The following CNBD1 variants were observed in gnomAD, a reference collection of about 807,000 sequenced individuals.
The protein encoded by CNBD1 is cyclic nucleotide-binding domain-containing protein 1.
In CNBD1, 71 loss-of-function variants were observed where a neutral mutation model predicts 54.4. That is an observed-to-expected ratio of 1.30 (90% CI 1.08 to 1.59). The LOEUF (loss-of-function observed/expected upper bound fraction) is 1.59. CNBD1 is among the 40% of genes most tolerant of loss of function. The probability of loss-of-function intolerance (pLI) is 0.00; values close to 1 mark genes in which losing one functional copy is unlikely to be tolerated. For synonymous variants in CNBD1, 182 were observed against 170.7 expected, an observed-to-expected ratio of 1.07 and a Z score of -0.51; for missense variants, 659 against 518.0, an observed-to-expected ratio of 1.27 and a Z score of -2.64.
At chr8:87,113,406 G>A (rs1184389762) in intron 4 of CNBD1, among the ~76,000 whole-genome samples, 1 of 152,188 alleles carries the variant, frequency 6.6e-6, no homozygotes, top group Non-Finnish European at 1.5e-5. Flanking sequence ...TTCCTCTACA[G>A]TAAAACAGGA....
intron 2 of CNBD1, among the ~76,000 whole-genome samples, chr8:87,404,235 C>G (rs374420928): frequency 2.0e-5 from 3 of 152,108 alleles, no homozygotes; most frequent in East Asian, 3.9e-4. Flanking sequence ...AAAGTTGGAA[C>G]AGCTTGTTTA....
chr8:87,305,214 C>G (rs1298567576), intron 8 of CNBD1, among the ~76,000 whole-genome samples: 1 of 152,000 alleles, frequency 6.6e-6, no homozygotes, highest in Non-Finnish European at 1.5e-5. Flanking sequence ...GTTGAAAGAC[C>G]TCTACAAGGA....
intron 4 of CNBD1, among the ~76,000 whole-genome samples, chr8:87,138,632 G>C (rs984525364): frequency 6.6e-6 from 1 of 152,136 alleles, no homozygotes; most frequent in Non-Finnish European, 1.5e-5. Flanking sequence ...AAGGTGGCAC[G>C]TCTTTCAGGA....
At chr8:87,235,884 A>G (rs1807575080) in intron 5 of CNBD1, among the ~76,000 whole-genome samples, 2 of 152,132 alleles carry the variant, frequency 1.3e-5, no homozygotes, top group Admixed American at 1.3e-4. Flanking sequence ...TGTGTTGCCT[A>G]GAAGGAGGTC....
chr8:86,988,707 T>G (rs1331902708), intron 4 of CNBD1, among the ~76,000 whole-genome samples: 1 of 152,158 alleles, frequency 6.6e-6, no homozygotes, highest in Non-Finnish European at 1.5e-5. Flanking sequence ...TTCATTATTC[T>G]CTTCTCTACC....
chr8:87,402,667 G>A (rs1303089044), intron 2 of CNBD1, among the ~76,000 whole-genome samples: 1 of 152,018 alleles, frequency 6.6e-6, no homozygotes, highest in Non-Finnish European at 1.5e-5. Context: ...AAGCTGGCCA[G>A]GGCCAAATCT....
intron 4 of CNBD1, among the ~76,000 whole-genome samples, chr8:86,974,862 G>A (rs1260670952): frequency 6.6e-6 from 1 of 151,770 alleles, no homozygotes; most frequent in Non-Finnish European, 1.5e-5. Flanking sequence ...TGTGCATTAT[G>A]TTTCATCCAT....
chr8:87,401,698 A>G (rs3923930), intron 2 of CNBD1, among the ~76,000 whole-genome samples: 1 of 152,032 alleles, frequency 6.6e-6, no homozygotes, highest in African/African-American at 2.4e-5. Context: ...GCAAATCTCA[A>G]TTAGTTTTAT....
chr8:87,173,231 TTGTAA>T (rs1813126173), intron 4 of CNBD1, among the ~76,000 whole-genome samples: 6 of 152,216 alleles, frequency 3.9e-5, no homozygotes, highest in Admixed American at 3.3e-4. Context: ...TTATATCTCA[TTGTAA>T]TGTCTATGTC....
chr8:87,343,780 C>T (rs1586031833), intron 8 of CNBD1, among the ~76,000 whole-genome samples: 1 of 152,018 alleles, frequency 6.6e-6, no homozygotes, highest in Admixed American at 6.6e-5. Context: ...ATAATTTAAT[C>T]ATTTACCTTT....
chr8:87,420,628 C>A (rs1341767393), intron 2 of CNBD1, among the ~76,000 whole-genome samples: 3 of 152,080 alleles, frequency 2.0e-5, no homozygotes, highest in African/African-American at 7.2e-5. Flanking sequence ...AATCTACCTA[C>A]TTAACGACCA....
intron 8 of CNBD1, among the ~76,000 whole-genome samples, chr8:87,314,101 C>A (rs900593846): frequency 6.6e-6 from 1 of 151,606 alleles, no homozygotes; most frequent in Non-Finnish European, 1.5e-5. Flanking sequence ...GTAGATGATG[C>A]CAATGCTTTT....
At chr8:86,997,236 T>G (rs939089052) in intron 4 of CNBD1, among the ~76,000 whole-genome samples, 1 of 152,172 alleles carries the variant, frequency 6.6e-6, no homozygotes, top group African/African-American at 2.4e-5. Flanking sequence ...TGCAGTGCCA[T>G]ATTTAGAGAA....
intron 10 of CNBD1, among the ~76,000 whole-genome samples, chr8:87,372,224 A>C (rs1268997586): frequency 2.0e-5 from 3 of 152,036 alleles, no homozygotes; most frequent in African/African-American, 4.8e-5. Context: ...ATCATGAGTG[A>C]ACTCCCGTTC....
chr8:87,234,304 C>A (rs771014584), intron 5 of CNBD1, among the ~76,000 whole-genome samples: 10 of 152,134 alleles, frequency 6.6e-5, no homozygotes, highest in Non-Finnish European at 1.3e-4. Context: ...AATAATGAAT[C>A]TTTTCCAGAA....
At chr8:87,276,838 G>T (rs1273111340) in intron 6 of CNBD1, among the ~76,000 whole-genome samples, 2 of 136,680 alleles carry the variant, frequency 1.5e-5, no homozygotes, top group Non-Finnish European at 3.2e-5. Flanking sequence ...AAATAAATGA[G>T]CAGAAAATAG....
intron 4 of CNBD1, among the ~76,000 whole-genome samples, chr8:87,070,846 A>G (rs1178193950): frequency 6.6e-6 from 1 of 152,076 alleles, no homozygotes; most frequent in Non-Finnish European, 1.5e-5. Context: ...TGCTGACCTC[A>G]TTACCCAGAG....
At chr8:87,201,615 T>G (rs1415988170) in intron 4 of CNBD1, among the ~76,000 whole-genome samples, 1 of 151,868 alleles carries the variant, frequency 6.6e-6, no homozygotes, top group Non-Finnish European at 1.5e-5. Context: ...AACAAAACCA[T>G]TTAGAATACC....
chr8:86,868,770 T>A (rs1808399621), intron 1 of CNBD1, among the ~76,000 whole-genome samples: 1 of 152,232 alleles, frequency 6.6e-6, no homozygotes, highest in South Asian at 2.1e-4. Flanking sequence ...GTCCCAGTGA[T>A]ATCCATGCCT....
Sources: allele counts gnomAD v4.1 joint callset (sites outside exome capture counted in the v4.1 genomes callset), GRCh38; gene constraint gnomAD v4.1.1; transcripts MANE v1.5; gene names NCBI Gene and HGNC (gene_info 2026-07-23, HGNC 2026-07-21).